The following CLASP1 variants were observed in gnomAD, a reference collection of about 807,000 sequenced individuals.
CLASP1 encodes the protein cytoplasmic linker associated protein 1, also known as CLIP-associating protein 1.
A neutral mutation model predicts 192.3 loss-of-function variants in CLASP1; 38 were observed. That is an observed-to-expected ratio of 0.20 (90% CI 0.15 to 0.26). The LOEUF is 0.26. CLASP1 is among the 10% of genes least tolerant of loss of function. CLASP1 has a pLI of 1.00. For missense variants in CLASP1, 1,433 were observed against 1,932.5 expected (o/e 0.74, Z 4.85); for synonymous variants, 691 against 712.8 (o/e 0.97, Z 0.49).
At chr2:121,466,853 T>A (rs771704643) in intron 9 of CLASP1, among the ~76,000 whole-genome samples, 1 of 152,236 alleles carries the variant, frequency 6.6e-6, no homozygotes, top group Non-Finnish European at 1.5e-5. Context: ...ATGTGTAGGA[T>A]GTGCAGGTTG....
At chr2:121,517,858 CTTTTTTTTTTTTTTTTTT>C (rs70954553) in intron 6 of CLASP1, among the ~76,000 whole-genome samples, 18 of 30,822 alleles carry the variant, frequency 5.8e-4, no homozygotes, top group African/African-American at 2.2e-3. Flanking sequence ...AAGACTCAAG[CTTTTTTTTTTTTTTTTTT>C]TTTTTTTTTT....
rs189014419 is a variant in CLASP1, at chr2:121,372,377, C to G, written c.3643-4546G>C. On this transcript the variant is annotated intron_variant, in intron 34 of 39. Coordinates refer to ENST00000263710, the Ensembl canonical transcript of CLASP1. The stretch of plus-strand genomic sequence containing the variant: ...TTAGGATTCTGTCCTTATCCTTTAC[C>G]TGGTGATTTCACTTACTTTTCTTTA... Among the ~76,000 whole-genome samples, 15 of 152,232 alleles carry G rather than the reference C, an allele frequency of 9.9e-5. No homozygotes were observed. In the East Asian group the frequency reaches 2.1e-3, roughly 22 times the overall value.
intron 2 of CLASP1, among the ~76,000 whole-genome samples, chr2:121,582,846 G>A (rs979443777): frequency 6.6e-6 from 1 of 150,424 alleles, no homozygotes; most frequent in Non-Finnish European, 1.5e-5. Flanking sequence ...GTACAGTGGC[G>A]CGATCTCAGC....
At chr2:121,376,215 A>T (rs1468802585) in intron 34 of CLASP1, among the ~76,000 whole-genome samples, 1 of 152,334 alleles carries the variant, frequency 6.6e-6, no homozygotes, top group Admixed American at 6.5e-5. Context: ...TATCAAAGAG[A>T]TGCCTACACC....
intron 27 of CLASP1, 80 bp from the exon 29 acceptor site, chr2:121,401,752 C>A: frequency 8.1e-7 from 1 of 1,231,364 alleles, no homozygotes; most frequent in Non-Finnish European, 1.2e-6. Flanking sequence ...TAAAAATGCC[C>A]ATACGTGCTT....
chr2:121,472,592 G>A (rs1266121557), intron 8 of CLASP1, among the ~76,000 whole-genome samples: 1 of 152,186 alleles, frequency 6.6e-6, no homozygotes, highest in Non-Finnish European at 1.5e-5. Context: ...ACTGCAGACA[G>A]TAAAGAACAG....
At chr2:121,403,235 G>A (rs2076401110) in intron 26 of CLASP1, among the ~76,000 whole-genome samples, 2 of 152,188 alleles carry the variant, frequency 1.3e-5, no homozygotes, top group South Asian at 2.1e-4. Context: ...GCTGTTGTGG[G>A]GGGAGGGGAG....
At chr2:121,483,004 C>T (rs539833648) in intron 8 of CLASP1, among the ~76,000 whole-genome samples, 3 of 152,304 alleles carry the variant, frequency 2.0e-5, no homozygotes, top group African/African-American at 7.2e-5. Flanking sequence ...CTAGTCCCCT[C>T]CATCAGCCAC....
At chr2:121,418,764 A>AAC in intron 22 of CLASP1, 35 bp from the exon 23 acceptor site, 1 of 1,422,158 alleles carries the variant, frequency 7.0e-7, no homozygotes, top group South Asian at 1.1e-5. Flanking sequence ...AGAGAAGGTG[A>AAC]ACAAGTTTAA....
intron 2 of CLASP1, among the ~76,000 whole-genome samples, chr2:121,564,006 T>C (rs1421333641): frequency 6.6e-6 from 1 of 152,158 alleles, no homozygotes; most frequent in Non-Finnish European, 1.5e-5. Context: ...CTCCCATTTT[T>C]AAAACCATCA....
At chr2:121,503,269 C>T (rs528641756) in intron 7 of CLASP1, 35 bp from the exon 8 acceptor site, 1 of 1,148,256 alleles carries the variant, frequency 8.7e-7, no homozygotes, top group Non-Finnish European at 1.3e-6. Flanking sequence ...AACTATTAAC[C>T]ATCACTGCTC....
At chr2:121,352,328 C>T (rs1184494390) in intron 37 of CLASP1, among the ~76,000 whole-genome samples, 4 of 152,212 alleles carry the variant, frequency 2.6e-5, no homozygotes, top group Admixed American at 6.5e-5. Context: ...TCAACATGGA[C>T]GGCATTGACT....
At chr2:121,515,586 G>T in intron 7 of CLASP1, 79 bp downstream of exon 7, 1 of 967,410 alleles carries the variant, frequency 1.0e-6, no homozygotes, top group Non-Finnish European at 1.5e-6. Context: ...AAAAAGTATT[G>T]CAAATCAAGA....
At chr2:121,585,681 C>T (rs1283817229) in intron 2 of CLASP1, among the ~76,000 whole-genome samples, 3 of 152,126 alleles carry the variant, frequency 2.0e-5, no homozygotes, top group Admixed American at 6.6e-5. Context: ...GGGCAGATCA[C>T]GAGGTCAAGA....
intron 28 of CLASP1, among the ~76,000 whole-genome samples, chr2:121,399,963 T>G (rs1046914521): frequency 4.6e-5 from 7 of 152,118 alleles, no homozygotes; most frequent in African/African-American, 1.7e-4. Flanking sequence ...AGTCTGGTAC[T>G]ACTGAGCCCA....
At chr2:121,641,154 T>C (rs965404732) in intron 1 of CLASP1, among the ~76,000 whole-genome samples, 1 of 152,204 alleles carries the variant, frequency 6.6e-6, no homozygotes, top group Non-Finnish European at 1.5e-5. Flanking sequence ...AAGGCACTGC[T>C]ACACAATTCA....
chr2:121,367,265 G>T (rs1029424466), intron 35 of CLASP1, among the ~76,000 whole-genome samples: 2 of 152,188 alleles, frequency 1.3e-5, no homozygotes, highest in Non-Finnish European at 2.9e-5. Flanking sequence ...GCCTACCTGG[G>T]CCCTGGGTTC....
At chr2:121,537,387 G>A (rs1429214753) in intron 2 of CLASP1, among the ~76,000 whole-genome samples, 5 of 150,930 alleles carry the variant, frequency 3.3e-5, no homozygotes, top group Non-Finnish European at 5.9e-5. Flanking sequence ...TCAAGATCCT[G>A]TGTCCAAGAA....
chr2:121,629,779 G>A (rs971495999), intron 1 of CLASP1, among the ~76,000 whole-genome samples: 2 of 151,756 alleles, frequency 1.3e-5, no homozygotes, highest in Non-Finnish European at 2.9e-5. Context: ...CGACAAGAGC[G>A]AAACTCCATC....
Sources: gnomAD v4.1 joint callset for allele counts (sites outside exome capture counted in the v4.1 genomes callset) on GRCh38, gnomAD v4.1.1 for gene constraint, MANE v1.5 for transcripts, NCBI Gene and HGNC (gene_info 2026-07-23, HGNC 2026-07-21) for gene names.